Variants in GEMIN5 observed in about 807,000 individuals in gnomAD.
GEMIN5 encodes gem nuclear organelle associated protein 5.
In GEMIN5, 124 loss-of-function variants were observed where a neutral mutation model predicts 176.9. The ratio of observed to expected loss-of-function variants is 0.70; its 90% CI spans 0.61 to 0.81. GEMIN5 has a LOEUF of 0.81. GEMIN5 is among the 40% of genes least tolerant of loss of function. The pLI is 0.00. For missense variants in GEMIN5, 1,843 were observed against 1,814.6 expected (o/e 1.02, Z -0.28); for synonymous variants, 673 against 665.2 (o/e 1.01, Z -0.18).
rs143651727 is a variant in GEMIN5 at position 154,907,809 on chromosome 5, C to T, written c.2177G>A (p.Ser726Asn). Residue 726 changes from serine (S) to asparagine (N), a missense_variant, in exon 16 of 28, where the codon AGT becomes AAT. Physicochemically the swap from Ser to Asn is conservative, Grantham distance 46 (BLOSUM62 1). Transcript: ENST00000285873. ...GAGCCGTTTTTTCTCCAATTCAATA[C>T]TTTTTTTGCCTACAAGAATCACAAT... The part of the protein sequence containing the change: ...DHSRPPQGKK[S>N]IELEKKRLSQ... The T allele has an allele frequency of 1.0e-5, 16 of 1,585,496 alleles. No homozygotes were observed. The African/African-American group carries it at 2.2e-4, about 22-fold the overall frequency.
rs760642360 is a variant in GEMIN5, at chr5:154,911,806, G to A, written c.2088C>T (p.Asp696=). The change falls in exon 15 of 28, where the codon GAC becomes GAT. Residue 696 remains aspartate (D), a synonymous_variant. Coordinates refer to ENST00000285873, the MANE Select transcript of GEMIN5 (RefSeq NM_015465.5). The part of the protein sequence containing the change: ...LCVAWSPLDP[D]CIYSGADDFC... ...AGTCATCTGCCCCTGAATAGATGCA[G>A]TCTGGATCCAAAGGAGACCATGCCA... The A allele has an allele frequency of 6.2e-7, 1 of 1,613,784 alleles. No homozygotes were observed. Among genetic ancestry groups the A allele is most frequent in the South Asian group, 1.1e-5 (1 of 91,074 alleles).
intron 24 of GEMIN5, 145 bp from the exon 25 acceptor site, chr5:154,892,694 T>C (rs1230449677): frequency 1.4e-6 from 1 of 731,490 alleles, no homozygotes; most frequent in Non-Finnish European, 2.2e-6. Context: ...GCCACCCATT[T>C]TTGCTTCCCA....
chr5:154,923,844 T>C (rs538002542), intron 9 of GEMIN5, among the ~76,000 whole-genome samples: 59 of 152,310 alleles, frequency 3.9e-4, no homozygotes, highest in African/African-American at 1.4e-3. Context: ...TAAGTATAAA[T>C]AGCCACATGT....
chr5:154,889,410 C>A lies in GEMIN5; in HGVS notation c.4270G>T (p.Glu1424Ter). ...GGCAGAGAAAGTGGCTCATTTTTTT[C>A]TTCTTTACTAGTGAAAAAAATAAAA... Reference protein sequence around the residue: ...LCSSQSQCKEEKNEPLSLPEL... With the variant: ...LCSSQSQCKE The change falls in exon 27 of 28, where the codon GAA becomes TAA. Residue 1424 changes from glutamate (E) to a stop codon, truncating the protein, a stop_gained. Transcript: ENST00000285873. LOFTEE classifies it high-confidence loss of function. The A allele has an allele frequency of 6.3e-7, 1 of 1,597,406 alleles. No individual in the cohort carries two copies. The highest frequency in any genetic ancestry group is 8.6e-7 in the Non-Finnish European group (1 of 1,165,586).
intron 8 of GEMIN5, among the ~76,000 whole-genome samples, chr5:154,925,434 C>A (rs962589153): frequency 6.6e-6 from 1 of 151,814 alleles, no homozygotes; most frequent in Non-Finnish European, 1.5e-5. Context: ...TAGAGAAAAC[C>A]AAAAAAATTA....
chr5:154,917,729 T>C (rs1190710014), intron 12 of GEMIN5, among the ~76,000 whole-genome samples: 1 of 152,188 alleles, frequency 6.6e-6, no homozygotes, highest in Admixed American at 6.5e-5. Flanking sequence ...CCAAATACTC[T>C]CAATGGGCTG....
chr5:154,911,897 A>C lies in GEMIN5; in HGVS notation c.1997T>G (p.Val666Gly). The C allele has an allele frequency of 1.2e-6, 2 of 1,613,220 alleles. No individual in the cohort carries two copies. The highest frequency in any genetic ancestry group is 4.5e-5 in the East Asian group (2 of 44,880). ...GGGCTCTTCCCGGAGAGCATCCCAC[A>C]CCTAAACCCAAAAGCACATGGCCGA... is the stretch of plus-strand genomic sequence containing the variant. ...VSASYDGTAQ[V>G]WDALREEPLC... is the part of the protein sequence containing the mutation. Residue 666 changes from valine to glycine, a missense_variant and splice_region_variant, in exon 15 of 28, where the codon GTG (valine) becomes GGG (glycine). Val to Gly is a moderately radical substitution (Grantham distance 109, BLOSUM62 -3). Transcript: ENST00000285873.
At chr5:154,892,076 T>C (rs1763242747) in intron 25 of GEMIN5, among the ~76,000 whole-genome samples, 1 of 152,236 alleles carries the variant, frequency 6.6e-6, no homozygotes. Flanking sequence ...TGACTGACTA[T>C]GCAGCCCAAG....
intron 24 of GEMIN5, among the ~76,000 whole-genome samples, chr5:154,895,418 A>G (rs1327595728): frequency 1.3e-5 from 2 of 152,218 alleles, no homozygotes; most frequent in Non-Finnish European, 2.9e-5. Flanking sequence ...CTTTTTATCA[A>G]CATGGATAGA....
intron 13 of GEMIN5, among the ~76,000 whole-genome samples, chr5:154,913,905 G>A (rs1763758362): frequency 6.6e-6 from 1 of 152,176 alleles, no homozygotes; most frequent in Admixed American, 6.5e-5. Flanking sequence ...GGAGACTGAG[G>A]TGGGAGGACG....
intron 25 of GEMIN5, among the ~76,000 whole-genome samples, 192 bp downstream of exon 25, chr5:154,892,195 G>A (rs924058237): frequency 6.6e-6 from 1 of 152,208 alleles, no homozygotes; most frequent in Non-Finnish European, 1.5e-5. Flanking sequence ...GCTGTAAGAG[G>A]GTAGGGCCAG....
In GEMIN5 at chr5:154,911,867, C is replaced by T; in HGVS notation, c.2027G>A (p.Cys676Tyr). The T allele has an allele frequency of 3.7e-6, 6 of 1,614,074 alleles. No homozygotes were observed. Among genetic ancestry groups the T allele is most frequent in the Non-Finnish European group, 4.2e-6 (5 of 1,179,988 alleles). ...VWDALREEPL[C>Y]NFRGHRGRLL... ...TCGACCTCGATGTCCTCGGAAATTG[C>T]ACAGGGGCTCTTCCCGGAGAGCATC... The change falls in exon 15 of 28, where the codon TGC (cysteine) becomes TAC (tyrosine). Residue 676 changes from cysteine to tyrosine, a missense_variant. Transcript: ENST00000285873.
At chr5:154,923,252 T>C (rs1032098818) in intron 9 of GEMIN5, among the ~76,000 whole-genome samples, 2 of 152,042 alleles carry the variant, frequency 1.3e-5, no homozygotes, top group African/African-American at 4.8e-5. Context: ...TGGTGGCACA[T>C]GCCTGTAATC....
Position 154,937,124 on chromosome 5 carries a change from A to G in GEMIN5, c.228T>C (p.Pro76=). The change falls in exon 2 of 28, where the codon CCT becomes CCC. Residue 76 remains proline (P), a synonymous_variant. Transcript: ENST00000285873. The part of the protein sequence containing the change: ...RVSGFTFSHH[P]GQYNLCATSS... ...TGGTGGCACAGAGGTTGTACTGACC[A>G]GGGTGATGAGAAAATGTGAAGCCAG... 6.2e-7 allele frequency: 1 copy of G among 1,613,838 alleles called. No individual in the cohort carries two copies. Among genetic ancestry groups the G allele is most frequent in the Non-Finnish European group, 8.5e-7 (1 of 1,179,722 alleles).
At position 154,904,514 on chromosome 5, in the gene GEMIN5, G is replaced by A. The variant is rs1397135607; in HGVS notation, c.2625C>T (p.His875=). 7 of 1,613,722 alleles carry A rather than the reference G, an allele frequency of 4.3e-6. No homozygotes were observed. The highest frequency in any genetic ancestry group is 5.9e-6 in the Non-Finnish European group (7 of 1,179,606). ...GGAAGTACATTTTTGTACCTCTGGA[G>A]TGCTTTGCAGTTGCTAGTACCAAAC... ...QDCLVLATAK[H]SRELNEDVSA... is the part of the protein sequence containing the mutation. The change falls in exon 18 of 28, where the codon CAC becomes CAT. Residue 875 remains histidine, a synonymous_variant. Transcript: ENST00000285873.
At chr5:154,934,950 T>G (rs2113517528) in intron 3 of GEMIN5, among the ~76,000 whole-genome samples, 1 of 152,346 alleles carries the variant, frequency 6.6e-6, no homozygotes, top group Non-Finnish European at 1.5e-5. Flanking sequence ...AACACCTTTT[T>G]CTTCCAAGCA....
intron 14 of GEMIN5, among the ~76,000 whole-genome samples, 194 bp downstream of exon 14, chr5:154,912,705 A>C (rs760985918): frequency 1.0e-4 from 15 of 148,454 alleles, no homozygotes; most frequent in Non-Finnish European, 1.9e-4. Flanking sequence ...CATCTAAGTA[A>C]CAAAAAAAAA....
At chr5:154,924,314 C>T (rs1003494487) in intron 9 of GEMIN5, among the ~76,000 whole-genome samples, 155 bp downstream of exon 9, 7 of 152,024 alleles carry the variant, frequency 4.6e-5, no homozygotes, top group Non-Finnish European at 7.4e-5. Flanking sequence ...CTGACAAGTC[C>T]AAAATGTGGA....
At chr5:154,911,091 C>G (rs895898844) in intron 15 of GEMIN5, among the ~76,000 whole-genome samples, 15 of 152,286 alleles carry the variant, frequency 9.8e-5, no homozygotes, top group Non-Finnish European at 2.1e-4. Context: ...CTCCTGAATT[C>G]TTTGAGTACT....
Sources: allele counts gnomAD v4.1 joint callset (sites outside exome capture counted in the v4.1 genomes callset), GRCh38; gene constraint gnomAD v4.1.1; transcripts MANE v1.5; gene names NCBI Gene and HGNC (gene_info 2026-07-23, HGNC 2026-07-21).